IGF2BP2: variants seen among roughly 807,000 people sequenced by gnomAD.
IGF2BP2 encodes the protein insulin like growth factor 2 mRNA binding protein 2.
Under a neutral mutation model 75.8 loss-of-function variants are expected in IGF2BP2, and 17 were observed. The ratio of observed to expected loss-of-function variants is 0.22; its 90% CI spans 0.15 to 0.34. The LOEUF is 0.34. IGF2BP2 is among the 10% of genes least tolerant of loss of function. IGF2BP2 has a pLI of 1.00. For missense variants in IGF2BP2, 516 were observed against 772.4 expected (o/e 0.67, Z 3.93); for synonymous variants, 288 against 295.6 (o/e 0.97, Z 0.26).
At chr3:185,663,543 G>C (rs1376546881) in intron 10 of IGF2BP2, among the ~76,000 whole-genome samples, 1 of 152,144 alleles carries the variant, frequency 6.6e-6, no homozygotes, top group African/African-American at 2.4e-5. Context: ...CTTTTCCTGG[G>C]AGAACTGCAG....
At chr3:185,743,284 T>G (rs917395937) in intron 2 of IGF2BP2, among the ~76,000 whole-genome samples, 1 of 152,082 alleles carries the variant, frequency 6.6e-6, no homozygotes, top group Non-Finnish European at 1.5e-5. Flanking sequence ...TTTATTTTTG[T>G]TTATTTTTTG....
intron 2 of IGF2BP2, among the ~76,000 whole-genome samples, chr3:185,748,890 G>C (rs1428519074): frequency 2.0e-5 from 3 of 152,316 alleles, no homozygotes; most frequent in African/African-American, 7.2e-5. Flanking sequence ...TTGGCTGGAC[G>C]CAGTGGCTCA....
intron 2 of IGF2BP2, among the ~76,000 whole-genome samples, chr3:185,809,216 T>C (rs1165757183): frequency 6.6e-6 from 1 of 152,158 alleles, no homozygotes; most frequent in East Asian, 1.9e-4. Context: ...GAAAATTATA[T>C]TTTCATGTAA....
Position 185,797,821 on chromosome 3 carries a change from C to T in IGF2BP2, c.239+25332G>A, listed in dbSNP as rs537095763. Among the ~76,000 whole-genome samples, 15 of 149,332 alleles carry T rather than the reference C, an allele frequency of 1.0e-4. No homozygotes were observed. In the South Asian group the frequency reaches 3.2e-3, roughly 32 times the overall value. On this transcript the variant is annotated intron_variant, in intron 2 of 15. Transcript: ENST00000382199. ...TGAGGAGGCTGAGGTGGGAGAACCA[C>T]GTGAGCCTGGCGAGGTCAAGGCTCC...
chr3:185,824,779 TC>T lies in IGF2BP2; in HGVS notation c.178+3del. 1 of 1,365,602 alleles carries T rather than the reference TC, an allele frequency of 7.3e-7. No homozygotes were observed. The allele number at this position is 1,365,602 out of a possible 1,614,324, so 84.6% of individuals were successfully genotyped here. ...GGGGGGAGGGGGCCGCGCTGAGTGC[TC>T]ACCCGAGAGGGTCTCGATGGCGCGG... On this transcript the variant is annotated splice_donor_region_variant and intron_variant, in intron 1 of 15. Coordinates refer to ENST00000382199, the MANE Select transcript of IGF2BP2 (RefSeq NM_006548.6).
chr3:185,754,331 C>G (rs1731327445), intron 2 of IGF2BP2, among the ~76,000 whole-genome samples: 1 of 152,100 alleles, frequency 6.6e-6, no homozygotes, highest in African/African-American at 2.4e-5. Flanking sequence ...CAGGCCTCAA[C>G]AGAAGCCAAG....
chr3:185,785,298 CTCAAA>C (rs1735735025), intron 2 of IGF2BP2, among the ~76,000 whole-genome samples: 1 of 67,754 alleles, frequency 1.5e-5, no homozygotes. Flanking sequence ...GAGACTCCTT[CTCAAA>C]AAAAAAAAAA....
intron 10 of IGF2BP2, among the ~76,000 whole-genome samples, chr3:185,668,502 G>GATAT (rs1222754072): frequency 2.0e-3 from 249 of 126,746 alleles, no homozygotes; most frequent in African/African-American, 7.0e-3. Flanking sequence ...GAGAGAGAGA[G>GATAT]AGAGAGATAT....
chr3:185,785,311 A>G (rs1735737904), intron 2 of IGF2BP2, among the ~76,000 whole-genome samples: 1 of 151,962 alleles, frequency 6.6e-6, no homozygotes, highest in Non-Finnish European at 1.5e-5. Flanking sequence ...AAAAAAAAAA[A>G]AAAAGAAACG....
At position 185,790,907 on chromosome 3, in the gene IGF2BP2, C is replaced by T. The variant is rs531714133; in HGVS notation, c.239+32246G>A. Among the ~76,000 whole-genome samples, 21 of 152,308 alleles carry T rather than the reference C, an allele frequency of 1.4e-4. No individual in the cohort carries two copies. In the South Asian group the frequency reaches 3.5e-3, roughly 26 times the overall value. On this transcript the variant is annotated intron_variant, in intron 2 of 15. Transcript: ENST00000382199. ...AGACTACGTAATGGTAAACTGCCCA[C>T]ATCATGTTTTTCATTAGTTTATTGT...
chr3:185,654,421 G>C (rs930432246), intron 12 of IGF2BP2, among the ~76,000 whole-genome samples: 1 of 152,188 alleles, frequency 6.6e-6, no homozygotes, highest in Non-Finnish European at 1.5e-5. Flanking sequence ...GCAGATCATG[G>C]CTGTGTGGTT....
At chr3:185,799,684 A>G (rs1031605669) in intron 2 of IGF2BP2, among the ~76,000 whole-genome samples, 1 of 151,922 alleles carries the variant, frequency 6.6e-6, no homozygotes, top group African/African-American at 2.4e-5. Context: ...CCCAGGAGGC[A>G]GAGCTTGCAG....
At chr3:185,786,977 A>G (rs1735981091) in intron 2 of IGF2BP2, among the ~76,000 whole-genome samples, 1 of 152,118 alleles carries the variant, frequency 6.6e-6, no homozygotes, top group Admixed American at 6.5e-5. Context: ...TTCTTAGTTC[A>G]AGGACCCCAC....
intron 5 of IGF2BP2, among the ~76,000 whole-genome samples, chr3:185,692,322 T>C (rs1401401539): frequency 6.6e-6 from 1 of 152,174 alleles, no homozygotes; most frequent in Non-Finnish European, 1.5e-5. Context: ...CCCAAGTGTT[T>C]GGCAAAGCAG....
chr3:185,698,467 C>A, intron 2 of IGF2BP2, 120 bp from the exon 3 acceptor site: 1 of 866,288 alleles, frequency 1.2e-6, no homozygotes, highest in Non-Finnish European at 1.8e-6. Flanking sequence ...ACCATGGCAT[C>A]AACAAAAAAT....
rs141259005 is a variant in IGF2BP2 at position 185,647,650 on chromosome 3, T to C, written c.1594-512A>G. 9.9e-5 allele frequency among the ~76,000 whole-genome samples: 15 copies of C among 152,278 alleles called. No individual in the cohort carries two copies. Among genetic ancestry groups the C allele is most frequent in the African/African-American group, 3.4e-4 (14 of 41,560 alleles). ...TCATGCTGTTCCTACCCTTGGATTG[T>C]TGTCCTCTCTCCCGGCCACTGGATC... On this transcript the variant is annotated intron_variant, in intron 14 of 15. Transcript: ENST00000382199. This position sits in a 1 kb window ranked among gnomAD's most constrained non-coding sequence, Gnocchi z 4.9.
Position 185,658,363 on chromosome 3 carries a change from C to A in IGF2BP2, c.1247G>T (p.Gly416Val). ...FSSLYPHHQFGPFPHHHSYPE... is the reference protein window; with the variant it reads ...FSSLYPHHQFVPFPHHHSYPE... ...TACAGAGTGATGATGCGGGAACGGGCCAAACTGGTGATGGGGGTACAGGCT... is the reference window on the plus strand; with the variant it reads ...TACAGAGTGATGATGCGGGAACGGGACAAACTGGTGATGGGGGTACAGGCT... Residue 416 changes from glycine to valine, a missense_variant, in exon 11 of 16, where the codon GGC becomes GTC. By Grantham distance (109) the Gly-to-Val change is moderately radical (BLOSUM62 -3). Coordinates refer to ENST00000382199, the MANE Select transcript of IGF2BP2 (RefSeq NM_006548.6). 6.2e-7 allele frequency: 1 copy of A among 1,613,884 alleles called. No homozygotes were observed.
chr3:185,766,366 G>A (rs1340624060), intron 2 of IGF2BP2, among the ~76,000 whole-genome samples: 1 of 152,038 alleles, frequency 6.6e-6, no homozygotes, highest in Non-Finnish European at 1.5e-5. Flanking sequence ...AACTACGGTT[G>A]ATAGGTCAAA....
intron 2 of IGF2BP2, among the ~76,000 whole-genome samples, chr3:185,804,227 G>T (rs1424196470): frequency 7.0e-6 from 1 of 142,778 alleles, no homozygotes; most frequent in Non-Finnish European, 1.5e-5. Context: ...TTGTACTCCA[G>T]CCTGGACAAC....
Sources: allele counts gnomAD v4.1 joint callset (sites outside exome capture counted in the v4.1 genomes callset), GRCh38; gene constraint gnomAD v4.1.1; non-coding constraint Gnocchi (gnomAD v3.1); transcripts MANE v1.5; gene names NCBI Gene and HGNC (gene_info 2026-07-23, HGNC 2026-07-21).